Variants in SYN2 observed in about 807,000 individuals in gnomAD.
SYN2 encodes synapsin-2.
A neutral mutation model predicts 50.9 loss-of-function variants in SYN2; 19 were observed. The observed-to-expected ratio is 0.37, with a 90% CI of 0.26 to 0.55. The LOEUF (loss-of-function observed/expected upper bound fraction) is 0.55, where lower values mean the gene tolerates loss of function less well. Among genes scored for constraint, SYN2 ranks in the 20% least tolerant of loss-of-function variants. The probability of loss-of-function intolerance (pLI) is 0.81; values close to 1 mark genes in which losing one functional copy is unlikely to be tolerated. For synonymous variants in SYN2, 255 were observed against 224.9 expected, an observed-to-expected ratio of 1.13 and a Z score of -1.20; for missense variants, 587 against 576.4, an observed-to-expected ratio of 1.02 and a Z score of -0.19.
intron 1 of SYN2, among the ~76,000 whole-genome samples, chr3:12,074,605 T>A (rs370062727): frequency 1.2e-4 from 18 of 152,234 alleles, no homozygotes; most frequent in South Asian, 4.1e-4. Context: ...TGTCCAGTTT[T>A]TATACTTGTT....
chr3:12,042,030 T>C (rs1190738673), intron 1 of SYN2, among the ~76,000 whole-genome samples: 1 of 152,248 alleles, frequency 6.6e-6, no homozygotes, highest in Non-Finnish European at 1.5e-5. Flanking sequence ...TATAGTAGTT[T>C]CCAAATAATT....
At chr3:12,098,420 G>A (rs1184828931) in intron 1 of SYN2, among the ~76,000 whole-genome samples, 3 of 152,106 alleles carry the variant, frequency 2.0e-5, no homozygotes, top group Non-Finnish European at 2.9e-5. Flanking sequence ...ATAGCACAAA[G>A]GATGTAGGGT....
intron 1 of SYN2, among the ~76,000 whole-genome samples, chr3:12,116,206 C>T (rs966658098): frequency 6.6e-6 from 1 of 152,064 alleles, no homozygotes; most frequent in Non-Finnish European, 1.5e-5. Context: ...TGAACTCCTG[C>T]AAAGGAAATG....
At chr3:12,093,703 A>G (rs1003862994) in intron 1 of SYN2, among the ~76,000 whole-genome samples, 4 of 152,128 alleles carry the variant, frequency 2.6e-5, no homozygotes, top group Non-Finnish European at 4.4e-5. Context: ...TCCTTTCCAC[A>G]TTAGCGTCTT....
intron 9 of SYN2, among the ~76,000 whole-genome samples, 160 bp from the exon 10 acceptor site, chr3:12,169,597 C>G (rs897475914): frequency 6.6e-6 from 1 of 152,134 alleles, no homozygotes; most frequent in Non-Finnish European, 1.5e-5. Context: ...GGACAAAGAT[C>G]CTATTTCTGC....
intron 1 of SYN2, among the ~76,000 whole-genome samples, chr3:12,047,206 T>C (rs545916284): frequency 6.6e-6 from 1 of 152,294 alleles, no homozygotes; most frequent in East Asian, 1.9e-4. Context: ...GAGATCTGGC[T>C]CACAGGTGTT....
intron 10 of SYN2, among the ~76,000 whole-genome samples, chr3:12,177,285 T>A (rs1329594149): frequency 6.6e-6 from 1 of 152,200 alleles, no homozygotes; most frequent in East Asian, 1.9e-4. Context: ...CAACACAAAT[T>A]CATAAACTTC....
chr3:12,123,695 C>T (rs1436148261), intron 1 of SYN2, among the ~76,000 whole-genome samples: 3 of 152,074 alleles, frequency 2.0e-5, no homozygotes, highest in Non-Finnish European at 2.9e-5. Flanking sequence ...TGCCTGTAAT[C>T]CTAGCACTTT....
chr3:12,131,509 T>G lies in SYN2; in HGVS notation c.378-9142T>G, dbSNP rs139387980. On this transcript the variant is annotated intron_variant, in intron 1 of 12. Transcript: ENST00000621198. ...TGACCCACTTTGCTCCAATATCAAATCAGCCTGATTTAATTTTATAAGTCA... is the reference window on the plus strand; with the variant it reads ...TGACCCACTTTGCTCCAATATCAAAGCAGCCTGATTTAATTTTATAAGTCA... 2.6e-5 allele frequency among the ~76,000 whole-genome samples: 4 copies of G among 152,312 alleles called. No homozygotes were observed. The East Asian group carries it at 7.7e-4, about 29-fold the overall frequency.
chr3:12,078,554 A>G (rs1169020212), intron 1 of SYN2, among the ~76,000 whole-genome samples: 1 of 152,182 alleles, frequency 6.6e-6, no homozygotes, highest in African/African-American at 2.4e-5. Context: ...CATTTATTAA[A>G]TAGGAAATCC....
intron 1 of SYN2, among the ~76,000 whole-genome samples, chr3:12,027,654 ATAT>A (rs1328542664): frequency 2.6e-5 from 4 of 152,168 alleles, no homozygotes; most frequent in East Asian, 3.8e-4. Flanking sequence ...CTTCAAAGAG[ATAT>A]TATCTCCGTT....
chr3:12,054,902 A>T (rs1277944526), intron 1 of SYN2, among the ~76,000 whole-genome samples: 1 of 152,132 alleles, frequency 6.6e-6, no homozygotes, highest in Non-Finnish European at 1.5e-5. Context: ...GGTCAAAAAT[A>T]ATTTTTCTTC....
chr3:12,024,149 CTTTTTTTTTT>C (rs35513783), intron 1 of SYN2, among the ~76,000 whole-genome samples: 1 of 68,304 alleles, frequency 1.5e-5, no homozygotes, highest in Non-Finnish European at 2.6e-5. Context: ...TCATTACTTC[CTTTTTTTTTT>C]TTTTTTTTTT....
intron 1 of SYN2, among the ~76,000 whole-genome samples, chr3:12,036,421 T>G (rs1694499362): frequency 1.3e-5 from 2 of 152,230 alleles, no homozygotes; most frequent in Admixed American, 1.3e-4. Flanking sequence ...CAGCACCCTG[T>G]GGATACCACC....
chr3:12,066,501 C>T (rs1246296325), intron 1 of SYN2, among the ~76,000 whole-genome samples: 1 of 151,968 alleles, frequency 6.6e-6, no homozygotes, highest in African/African-American at 2.4e-5. Context: ...ATATATTCAC[C>T]AAAACTCTTG....
At chr3:12,097,768 C>T (rs13098377) in intron 1 of SYN2, among the ~76,000 whole-genome samples, 1 of 152,048 alleles carries the variant, frequency 6.6e-6, no homozygotes, top group Non-Finnish European at 1.5e-5. Context: ...AAAACCAAAC[C>T]CCACATGTTC....
At chr3:12,170,026 A>AGG in intron 10 of SYN2, 120 bp downstream of exon 10, 1 of 1,249,660 alleles carries the variant, frequency 8.0e-7, no homozygotes, top group Non-Finnish European at 1.1e-6. Flanking sequence ...ATGGGATCTA[A>AGG]GGAGACATCT....
intron 5 of SYN2, chr3:12,153,017 G>A (rs993499141): frequency 1.4e-5 from 3 of 213,610 alleles, no homozygotes; most frequent in South Asian, 1.8e-4. Flanking sequence ...TGTATCAGAG[G>A]ATTAGGATGA....
At chr3:12,173,379 C>A (rs1381037621) in intron 10 of SYN2, among the ~76,000 whole-genome samples, 1 of 152,172 alleles carries the variant, frequency 6.6e-6, no homozygotes, top group Non-Finnish European at 1.5e-5. Context: ...TCACATCCAC[C>A]CACTTATCTG....
Sources: allele counts gnomAD v4.1 joint callset (sites outside exome capture counted in the v4.1 genomes callset), GRCh38; gene constraint gnomAD v4.1.1; transcripts MANE v1.5; gene names NCBI Gene and HGNC (gene_info 2026-07-23, HGNC 2026-07-21).